MORN3: variants seen among roughly 807,000 people sequenced by gnomAD.
MORN3 encodes MORN repeat-containing protein 3.
MORN3 carries 38 observed loss-of-function variants against 34.7 expected under a neutral mutation model. The observed-to-expected ratio is 1.10, with a 90% CI of 0.85 to 1.44. MORN3 has a LOEUF of 1.44. Among genes scored for constraint, MORN3 ranks in the 40% most tolerant of loss-of-function variants. MORN3 has a pLI of 0.00. For synonymous variants in MORN3, 109 were observed against 115.3 expected, an observed-to-expected ratio of 0.95 and a Z score of 0.35; for missense variants, 311 against 321.7, an observed-to-expected ratio of 0.97 and a Z score of 0.25.
chr12:121,659,781 C>T (rs1893525917), intron 1 of MORN3, among the ~76,000 whole-genome samples: 3 of 151,904 alleles, frequency 2.0e-5, no homozygotes, highest in Non-Finnish European at 2.9e-5. Context: ...ATGCCCACCT[C>T]GGTCTCCCAA....
chr12:121,666,952 CTTTTTTTT>C (rs376062157), intron 1 of MORN3, among the ~76,000 whole-genome samples: 2 of 108,160 alleles, frequency 1.8e-5, no homozygotes, highest in Admixed American at 1.9e-4. Flanking sequence ...CCCACAACCT[CTTTTTTTT>C]TTTTTTTTTT....
chr12:121,661,647 G>A (rs1423391287), intron 1 of MORN3, among the ~76,000 whole-genome samples: 4 of 152,006 alleles, frequency 2.6e-5, no homozygotes, highest in East Asian at 3.9e-4. Flanking sequence ...AGGCCGAGGC[G>A]CGCTGATCAC....
chr12:121,654,532 C>T, intron 2 of MORN3, 99 bp from the exon 3 acceptor site: 1 of 1,283,000 alleles, frequency 7.8e-7, no homozygotes, highest in Non-Finnish European at 1.1e-6. Context: ...ACCCCAGCTT[C>T]TTCCTTCTTC....
chr12:121,667,143 G>A (rs1296459481), intron 1 of MORN3, among the ~76,000 whole-genome samples: 2 of 151,738 alleles, frequency 1.3e-5, no homozygotes, highest in Non-Finnish European at 2.9e-5. Context: ...TGTATTTTTA[G>A]TAGAGACGGA....
At chr12:121,658,531 A>G (rs953236539) in intron 2 of MORN3, among the ~76,000 whole-genome samples, 2 of 145,254 alleles carry the variant, frequency 1.4e-5, no homozygotes, top group Admixed American at 7.2e-5. Flanking sequence ...GCGCCACTGC[A>G]CTCCAGCCTG....
chr12:121,654,658 T>C (rs1214251769), intron 2 of MORN3, among the ~76,000 whole-genome samples: 7 of 151,910 alleles, frequency 4.6e-5, no homozygotes, highest in Non-Finnish European at 1.0e-4. Flanking sequence ...AGTGCAGTGA[T>C]GTGATCTCGG....
chr12:121,662,065 A>G (rs531728868), intron 1 of MORN3, among the ~76,000 whole-genome samples: 233 of 152,216 alleles, frequency 1.5e-3, no homozygotes, highest in African/African-American at 5.5e-3. Context: ...TAAAAAGTCA[A>G]ACTCATAGAA....
chr12:121,662,503 C>T (rs1893612604), intron 1 of MORN3, among the ~76,000 whole-genome samples: 1 of 152,020 alleles, frequency 6.6e-6, no homozygotes, highest in Non-Finnish European at 1.5e-5. Flanking sequence ...TGTCTGTAAT[C>T]CCAGCACTTT....
At chr12:121,653,931 TTTTAATCAC>T (rs1893326192) in intron 3 of MORN3, among the ~76,000 whole-genome samples, 1 of 152,026 alleles carries the variant, frequency 6.6e-6, no homozygotes, top group Non-Finnish European at 1.5e-5. Context: ...TTTCAAAACG[TTTTAATCAC>T]CCGAAAAGGA....
In MORN3 at chr12:121,654,565, G is replaced by C. The variant is rs560589525; in HGVS notation, c.304-132C>G. 26 of 986,002 alleles carry C rather than the reference G, an allele frequency of 2.6e-5. No homozygotes were observed. The African/African-American group carries it at 3.3e-4, about 13-fold the overall frequency. The allele number at this position is 986,002 out of a possible 1,614,324, so 61.1% of individuals were successfully genotyped here. A position where few individuals can be genotyped will look rare whatever the true frequency, so the allele number is the denominator to read the frequency against. ...TTCCTCAGCCCTACGTCCAAGCGGAGGGTCGTGTCTTAGCGGAGTATCCTG... is the reference window on the plus strand; with the variant it reads ...TTCCTCAGCCCTACGTCCAAGCGGACGGTCGTGTCTTAGCGGAGTATCCTG... On this transcript the variant is annotated intron_variant, in intron 2 of 5. Transcript: ENST00000355329.
At position 121,652,737 on chromosome 12, in the gene MORN3, AT is replaced by A; in HGVS notation, c.719del (p.Asp240ValfsTer81). Reference protein sequence around the residue: ...LAMFRKTEEGD With the variant: ...LAMFRKTEEGX ...TGTGCCCACCCCTCACCTGGCATCAATCTCCTTCCTCTGTCTTCCTGAACAT... is the reference window on the plus strand; with the variant it reads ...TGTGCCCACCCCTCACCTGGCATCAACTCCTTCCTCTGTCTTCCTGAACAT... On this transcript the variant is annotated frameshift_variant, in exon 5 of 6. Transcript: ENST00000355329. LOFTEE classifies it high-confidence loss of function. 1 of 1,614,128 alleles carries A rather than the reference AT, an allele frequency of 6.2e-7. No individual in the cohort carries two copies. Among genetic ancestry groups the A allele is most frequent in the Non-Finnish European group, 8.5e-7 (1 of 1,180,004 alleles).
In MORN3 at chr12:121,669,545, C is replaced by G; in HGVS notation, c.-62G>C. 7 of 1,595,288 alleles carry G rather than the reference C, an allele frequency of 4.4e-6. No homozygotes were observed. The highest frequency in any genetic ancestry group is 1.1e-5 in the South Asian group (1 of 90,630). ...GGGGTTAGGGACATCTGGGGCTCAG[C>G]GCGCCCCGTGTAATGCCGGGATCCT... On this transcript the variant is annotated 5_prime_UTR_variant, in exon 1 of 6. Coordinates refer to ENST00000355329, the MANE Select transcript of MORN3 (RefSeq NM_173855.5).
At chr12:121,665,764 CAAAAAAAAAAAA>C (rs59071462) in intron 1 of MORN3, among the ~76,000 whole-genome samples, 1 of 50,574 alleles carries the variant, frequency 2.0e-5, no homozygotes, top group African/African-American at 7.6e-5. Flanking sequence ...GACTCTGTCT[CAAAAAAAAAAAA>C]AAAAAAAAAA....
At chr12:121,668,051 G>T (rs1893826718) in intron 1 of MORN3, among the ~76,000 whole-genome samples, 1 of 149,316 alleles carries the variant, frequency 6.7e-6, no homozygotes, top group African/African-American at 2.5e-5. Flanking sequence ...TATTTTTTTA[G>T]TAGAGATGGG....
In MORN3 at chr12:121,654,320, T is replaced by C. The variant is rs544752389; in HGVS notation, c.417A>G (p.Gly139=). 1 of 1,602,584 alleles carries C rather than the reference T, an allele frequency of 6.2e-7. No individual in the cohort carries two copies. Among genetic ancestry groups the C allele is most frequent in the Non-Finnish European group, 8.5e-7 (1 of 1,175,444 alleles). ...MYYSNGDIYE[G]QWENDKPNGE... ...CGTTGGGCTTGTCGTTCTCCCACTG[T>C]CCCTCGTAGATGTCGCCGTTGCTGT... is the stretch of plus-strand genomic sequence containing the variant. Residue 139 remains glycine, a synonymous_variant, in exon 3 of 6, where the codon GGA becomes GGG. Coordinates refer to ENST00000355329, the MANE Select transcript of MORN3 (RefSeq NM_173855.5).
chr12:121,662,599 C>T (rs1235650826), intron 1 of MORN3, among the ~76,000 whole-genome samples: 1 of 151,940 alleles, frequency 6.6e-6, no homozygotes, highest in Non-Finnish European at 1.5e-5. Flanking sequence ...ACTAAAAATA[C>T]AAAAATTAGC....
intron 3 of MORN3, 102 bp from the exon 4 acceptor site, chr12:121,653,361 G>A: frequency 1.6e-6 from 2 of 1,245,694 alleles, no homozygotes; most frequent in Non-Finnish European, 2.2e-6. Context: ...AACACATTGG[G>A]AGGCCAAGAT....
At chr12:121,666,648 T>C (rs1893764892) in intron 1 of MORN3, among the ~76,000 whole-genome samples, 1 of 152,118 alleles carries the variant, frequency 6.6e-6, no homozygotes, top group Admixed American at 6.6e-5. Context: ...GATGGAGAAG[T>C]TGTCCTAAGC....
At chr12:121,672,545 C>G (rs898157003), upstream of MORN3, 2 of 152,296 alleles carry the variant, frequency 1.3e-5, no homozygotes, top group Non-Finnish European at 2.9e-5. Context: ...AGTCCTGGGC[C>G]TGCCCCACCT....
Sources: allele counts gnomAD v4.1 joint callset (sites outside exome capture counted in the v4.1 genomes callset), GRCh38; gene constraint gnomAD v4.1.1; transcripts MANE v1.5; gene names NCBI Gene and HGNC (gene_info 2026-07-23, HGNC 2026-07-21).